The following CACNA1H variants were observed in gnomAD, a reference collection of about 807,000 sequenced individuals.
The protein encoded by CACNA1H is voltage-dependent T-type calcium channel subunit alpha-1H.
In CACNA1H, 149 loss-of-function variants were observed where a neutral mutation model predicts 192.5. The observed-to-expected ratio is 0.77, with a 90% confidence interval of 0.68 to 0.89. The LOEUF (loss-of-function observed/expected upper bound fraction) is 0.89, where lower values mean the gene tolerates loss of function less well. Ranked by LOEUF, CACNA1H falls within the 40% of genes least tolerant of loss-of-function variation. CACNA1H has a pLI of 0.00. For synonymous variants in CACNA1H, 2,202 were observed against 1,475.2 expected (o/e 1.49, Z -11.29); for missense variants, 4,257 against 3,423.5 (o/e 1.24, Z -6.08).
At position 1,219,145 on chromosome 16, in the gene CACNA1H, T is replaced by C. The variant is rs1567557056; in HGVS notation, c.6048+15T>C. ...TCTGCAGACAGGTAGGAGAAGCCGT[T>C]GGCCTGCAGCAGAGGCTGGCGGGGA... is the stretch of plus-strand genomic sequence containing the variant. On this transcript the variant is annotated intron_variant, in intron 34 of 34. Transcript: ENST00000348261. 8.6e-6 allele frequency: 13 copies of C among 1,517,332 alleles called. No individual in the cohort carries two copies. The East Asian group carries it at 3.2e-4, about 38-fold the overall frequency. The allele number at this position is 1,517,332 out of a possible 1,614,324, so 94.0% of individuals were successfully genotyped here.
chr16:1,218,120 C>A, intron 32 of CACNA1H, 80 bp downstream of exon 32: 1 of 1,541,198 alleles, frequency 6.5e-7, no homozygotes, highest in Non-Finnish European at 8.8e-7. Flanking sequence ...TCGGATCCGT[C>A]CTTGCAGGGC....
chr16:1,168,002 CCT>C (rs2151689543), intron 2 of CACNA1H, among the ~76,000 whole-genome samples: 1 of 152,316 alleles, frequency 6.6e-6, no homozygotes, highest in Admixed American at 6.5e-5. Flanking sequence ...GGTGACCGCA[CCT>C]CTGTCTGCCC....
chr16:1,213,923 C>T lies in CACNA1H; in HGVS notation c.4921C>T (p.Gln1641Ter). ...VITMSMEHYN[Q>*]PKSLDEALKY... is the part of the protein sequence containing the mutation. ...CACCATGTCCATGGAGCACTATAAC[C>T]AACCCAAGGTGGGTGCGAGGGGGCC... Residue 1641 changes from glutamine to a stop codon, truncating the protein, a stop_gained, in exon 27 of 35, where the codon CAA becomes TAA. Coordinates refer to ENST00000348261, the MANE Select transcript of CACNA1H (RefSeq NM_021098.3). LOFTEE classifies it high-confidence loss of function. 6.2e-7 allele frequency: 1 copy of T among 1,610,550 alleles called. No individual in the cohort carries two copies. Among genetic ancestry groups the T allele is most frequent in the East Asian group, 2.2e-5 (1 of 44,788 alleles).
chr16:1,176,523 A>G (rs112669641), intron 2 of CACNA1H, among the ~76,000 whole-genome samples: 4 of 152,186 alleles, frequency 2.6e-5, no homozygotes, highest in African/African-American at 9.6e-5. Context: ...TGGGGCCAGT[A>G]CTTCCCCCCA....
At chr16:1,184,542 G>A (rs947872070) in intron 2 of CACNA1H, among the ~76,000 whole-genome samples, 1 of 152,246 alleles carries the variant, frequency 6.6e-6, no homozygotes, top group Non-Finnish European at 1.5e-5. Context: ...CACGGATGCC[G>A]CATCAGCCTC....
chr16:1,164,367 C>T (rs956013170), intron 2 of CACNA1H, among the ~76,000 whole-genome samples: 1 of 152,064 alleles, frequency 6.6e-6, no homozygotes. Context: ...AAGGTCTCAC[C>T]CTGTCGCCCA....
At chr16:1,205,597 C>G (rs932344907) in intron 11 of CACNA1H, among the ~76,000 whole-genome samples, 1 of 152,226 alleles carries the variant, frequency 6.6e-6, no homozygotes, top group Non-Finnish European at 1.5e-5. Flanking sequence ...GCGAGAAAGA[C>G]CAGCTTAAAA....
intron 2 of CACNA1H, among the ~76,000 whole-genome samples, chr16:1,162,643 G>GC (rs1240877547): frequency 4.0e-5 from 6 of 151,816 alleles, no homozygotes; most frequent in East Asian, 1.9e-4. Flanking sequence ...CTGGAGTGGG[G>GC]GGGGGGGGTC....
rs939823659 is a variant in CACNA1H, at chr16:1,201,788, G to C, written c.1338G>C (p.Thr446=). 1.9e-6 allele frequency: 3 copies of C among 1,598,458 alleles called. No individual in the cohort carries two copies. Among genetic ancestry groups the C allele is most frequent in the Middle Eastern group, 1.7e-4 (1 of 5,896 alleles). Residue 446 remains threonine, a synonymous_variant, in exon 9 of 35, where the codon ACG becomes ACC. Coordinates refer to ENST00000348261, the MANE Select transcript of CACNA1H (RefSeq NM_021098.3). ...QRARHLSNDS[T]LASFSEPGSC... ...CACGCCACCTGTCCAACGACAGCAC[G>C]CTGGCCAGCTTCTCCGAGCCTGGCA... is the stretch of plus-strand genomic sequence containing the variant.
At chr16:1,168,374 G>A (rs1032743614) in intron 2 of CACNA1H, among the ~76,000 whole-genome samples, 9 of 152,110 alleles carry the variant, frequency 5.9e-5, no homozygotes, top group African/African-American at 1.7e-4. Flanking sequence ...CACCCACCCC[G>A]GGGCGTGGTT....
At chr16:1,200,157 C>T (rs1289343463) in intron 6 of CACNA1H, 99 bp from the exon 7 acceptor site, 3 of 964,552 alleles carry the variant, frequency 3.1e-6, no homozygotes, top group Admixed American at 2.9e-5. Flanking sequence ...CTGATCACGT[C>T]CCTGACCTTG....
chr16:1,187,801 G>T (rs2151794300), intron 2 of CACNA1H, among the ~76,000 whole-genome samples: 1 of 152,350 alleles, frequency 6.6e-6, no homozygotes, highest in East Asian at 1.9e-4. Flanking sequence ...GTGGTCTGAG[G>T]AGCTGAGGCT....
At chr16:1,214,194 G>A (rs1969795045) in intron 27 of CACNA1H, among the ~76,000 whole-genome samples, 1 of 152,230 alleles carries the variant, frequency 6.6e-6, no homozygotes, top group East Asian at 1.9e-4. Context: ...CCCAAGGAGG[G>A]GCTGGCAGGA....
chr16:1,219,022 G>C lies in CACNA1H; in HGVS notation c.5940G>C (p.Gln1980His). 1 of 1,550,230 alleles carries C rather than the reference G, an allele frequency of 6.5e-7. No homozygotes were observed. The highest frequency in any genetic ancestry group is 1.2e-5 in the South Asian group (1 of 84,064). The part of the protein sequence containing the change: ...SPPAESCASL[Q>H]IPLAVSSPAR... ...CCGCAGAGTCCTGTGCCTCCCTCCA[G>C]ATCCCATTGGCTGTGTCGTCCCCAG... Residue 1980 changes from glutamine to histidine, a missense_variant, in exon 34 of 35, where the codon CAG becomes CAC. Physicochemically the swap from Gln to His is conservative, Grantham distance 24 (BLOSUM62 0). Transcript: ENST00000348261.
intron 2 of CACNA1H, among the ~76,000 whole-genome samples, chr16:1,169,816 G>A (rs1236845522): frequency 1.3e-5 from 2 of 152,242 alleles, no homozygotes; most frequent in African/African-American, 4.8e-5. Flanking sequence ...GGTGAGCAGG[G>A]CCCATCTAGA....
Position 1,220,368 on chromosome 16 carries a change from A to G in CACNA1H, c.6436A>G (p.Lys2146Glu). The G allele has an allele frequency of 6.6e-7, 1 of 1,524,120 alleles. No homozygotes were observed. Among genetic ancestry groups the G allele is most frequent in the South Asian group, 1.3e-5 (1 of 78,592 alleles). 94.4% of individuals were successfully genotyped at this position (1,524,120 alleles called of 1,614,324 possible). A position where few individuals can be genotyped will look rare whatever the true frequency, so the allele number is the denominator to read the frequency against. The stretch of plus-strand genomic sequence containing the variant: ...CGTGGATGCTCAGGGCTTCCTGGAC[A>G]AGCCGGGCCGGGCAGACGAGCAGTG... ...YSVDAQGFLD[K>E]PGRADEQWRP... The change falls in exon 35 of 35, where the codon AAG becomes GAG. Residue 2146 changes from lysine to glutamate, a missense_variant. Coordinates refer to ENST00000348261, the MANE Select transcript of CACNA1H (RefSeq NM_021098.3).
At chr16:1,195,388 G>A (rs756246226) in intron 3 of CACNA1H, 44 bp from the exon 4 acceptor site, 18 of 1,549,262 alleles carry the variant, frequency 1.2e-5, no homozygotes, top group Non-Finnish European at 8.7e-6. Flanking sequence ...GTTGTGGGCT[G>A]AGCTGAGCTG....
chr16:1,166,058 G>A (rs910530030), intron 2 of CACNA1H, among the ~76,000 whole-genome samples: 3 of 152,230 alleles, frequency 2.0e-5, no homozygotes, highest in Non-Finnish European at 4.4e-5. Context: ...TTTGTGACTT[G>A]GAATTGGGTG....
At position 1,203,998 on chromosome 16, in the gene CACNA1H, C is replaced by T. The variant is rs1301686568; in HGVS notation, c.2003-12C>T. 9 of 1,523,664 alleles carry T rather than the reference C, an allele frequency of 5.9e-6. No homozygotes were observed. Among genetic ancestry groups the T allele is most frequent in the South Asian group, 1.2e-5 (1 of 82,166 alleles). The allele number at this position is 1,523,664 out of a possible 1,614,324, so 94.4% of individuals were successfully genotyped here. A position where few individuals can be genotyped will look rare whatever the true frequency, so the allele number is the denominator to read the frequency against. ...TGAGTGGGCCTGCCCCTGTCTGTGC[C>T]CTCTCCCGCAGGACTGGGCCAGGCC... is the stretch of plus-strand genomic sequence containing the variant. On this transcript the variant is annotated splice_polypyrimidine_tract_variant and intron_variant, in intron 9 of 34. Transcript: ENST00000348261.
Sources: gnomAD v4.1 joint callset for allele counts (sites outside exome capture counted in the v4.1 genomes callset) on GRCh38, gnomAD v4.1.1 for gene constraint, MANE v1.5 for transcripts, NCBI Gene and HGNC (gene_info 2026-07-23, HGNC 2026-07-21) for gene names.